Variants in ANKS1B observed in about 807,000 individuals in gnomAD.
ANKS1B encodes the protein ankyrin repeat and sterile alpha motif domain-containing protein 1B.
Under a neutral mutation model 148.3 loss-of-function variants are expected in ANKS1B, and 36 were observed. The observed-to-expected ratio is 0.24, with a 90% confidence interval of 0.19 to 0.32. The LOEUF (loss-of-function observed/expected upper bound fraction) is 0.32, where lower values mean the gene tolerates loss of function less well. ANKS1B is among the 10% of genes least tolerant of loss of function. ANKS1B has a pLI of 1.00. For missense variants in ANKS1B, 1,157 were observed against 1,542.6 expected (o/e 0.75, Z 4.19); for synonymous variants, 542 against 560.8 (o/e 0.97, Z 0.47).
At chr12:99,567,951 T>C (rs2097414113) in intron 9 of ANKS1B, among the ~76,000 whole-genome samples, 1 of 152,176 alleles carries the variant, frequency 6.6e-6, no homozygotes, top group South Asian at 2.1e-4. Context: ...AGCACCACCT[T>C]CCACTGTGAG....
chr12:99,026,108 A>C (rs972849704), intron 17 of ANKS1B, among the ~76,000 whole-genome samples: 1 of 152,216 alleles, frequency 6.6e-6, no homozygotes, highest in African/African-American at 2.4e-5. Context: ...GAAGGTATGT[A>C]TCTACGGATA....
intron 8 of ANKS1B, among the ~76,000 whole-genome samples, chr12:99,760,874 C>A: frequency 6.7e-6 from 1 of 150,146 alleles, no homozygotes; most frequent in South Asian, 2.1e-4. Flanking sequence ...AAAACCAATC[C>A]CACCGAAATA....
In ANKS1B at chr12:99,580,443, A is replaced by T. The variant is rs2097559517; in HGVS notation, c.1272+74624T>A. On this transcript the variant is annotated intron_variant, in intron 9 of 26. Transcript: ENST00000683438. ...TTAGGGATAAATATAATGACAGAAC[A>T]TTGCTCAAAGAAATTTGAAACTGGA... Among the ~76,000 whole-genome samples, 3 of 152,330 alleles carry T rather than the reference A, an allele frequency of 2.0e-5. No homozygotes were observed. In the South Asian group the frequency reaches 6.2e-4, roughly 32 times the overall value.
intron 14 of ANKS1B, among the ~76,000 whole-genome samples, chr12:99,213,731 C>T (rs2083700231): frequency 6.6e-6 from 1 of 152,190 alleles, no homozygotes; most frequent in South Asian, 2.1e-4. Flanking sequence ...TTCATCTTAA[C>T]ATTCTGTAAT....
At chr12:99,678,601 T>C (rs2153479295) in intron 8 of ANKS1B, among the ~76,000 whole-genome samples, 1 of 152,138 alleles carries the variant, frequency 6.6e-6, no homozygotes, top group South Asian at 2.1e-4. Flanking sequence ...CTAAGTACAA[T>C]CCATCCCTGG....
intron 24 of ANKS1B, among the ~76,000 whole-genome samples, chr12:98,774,887 G>A (rs953064161): frequency 3.9e-5 from 6 of 152,158 alleles, no homozygotes; most frequent in Admixed American, 1.3e-4. Context: ...AACTCAAATT[G>A]CAATTGGAAT....
At chr12:99,316,123 A>C (rs548938847) in intron 12 of ANKS1B, among the ~76,000 whole-genome samples, 1 of 152,338 alleles carries the variant, frequency 6.6e-6, no homozygotes, top group South Asian at 2.1e-4. Context: ...TAGTGCCACA[A>C]TAAACATACG....
chr12:98,953,746 T>A (rs936869031), intron 17 of ANKS1B, among the ~76,000 whole-genome samples: 1 of 152,110 alleles, frequency 6.6e-6, no homozygotes, highest in African/African-American at 2.4e-5. Flanking sequence ...TCCCACAAGC[T>A]GACTCCAGTT....
At chr12:99,758,567 T>G (rs2061785249) in intron 8 of ANKS1B, among the ~76,000 whole-genome samples, 1 of 151,734 alleles carries the variant, frequency 6.6e-6, no homozygotes. Context: ...ATCAGGGAAA[T>G]ATTTACCAGG....
At chr12:99,184,180 T>C (rs2079493048) in intron 14 of ANKS1B, among the ~76,000 whole-genome samples, 2 of 152,200 alleles carry the variant, frequency 1.3e-5, no homozygotes, top group Non-Finnish European at 2.9e-5. Context: ...AGTAACACAA[T>C]ATATCTTCCC....
rs575438962 is a variant in ANKS1B, at chr12:98,829,764, T to C, written c.2887-411A>G. The stretch of plus-strand genomic sequence containing the variant: ...AGACCCAATGGGTCTTGATCCTTCA[T>C]CAAAGAATGGTCTGACAACAGGGTT... On this transcript the variant is annotated intron_variant, in intron 18 of 26. Coordinates refer to ENST00000683438, the MANE Select transcript of ANKS1B (RefSeq NM_001352186.2). The surrounding 1 kb of genome is among the most constrained non-coding windows in gnomAD (Gnocchi z 5.2). Among the ~76,000 whole-genome samples the C allele has an allele frequency of 6.6e-6, 1 of 152,242 alleles. No homozygotes were observed. Among genetic ancestry groups the C allele is most frequent in the South Asian group, 2.1e-4 (1 of 4,822 alleles).
chr12:99,079,784 C>T (rs2049022418), intron 16 of ANKS1B: 1 of 152,026 alleles, frequency 6.6e-6, no homozygotes, highest in South Asian at 2.1e-4. Context: ...TGTTATAATT[C>T]TCTCTGCTTG....
rs546088069 is a variant in ANKS1B at position 99,477,676 on chromosome 12, C to T, written c.1438+26800G>A. Among the ~76,000 whole-genome samples the T allele has an allele frequency of 2.6e-5, 4 of 152,256 alleles. No homozygotes were observed. The South Asian group carries it at 8.3e-4, about 32-fold the overall frequency. Reference sequence around the variant, plus strand: ...CACATTAAAAATTCTCAATGATATCCATTGTTACTATCATAGATATTAAAA... The same window carrying T: ...CACATTAAAAATTCTCAATGATATCTATTGTTACTATCATAGATATTAAAA... On this transcript the variant is annotated intron_variant, in intron 10 of 26. Coordinates refer to ENST00000683438, the MANE Select transcript of ANKS1B (RefSeq NM_001352186.2).
At chr12:99,132,968 T>A (rs1283953754) in intron 15 of ANKS1B, among the ~76,000 whole-genome samples, 1 of 152,106 alleles carries the variant, frequency 6.6e-6, no homozygotes, top group East Asian at 1.9e-4. Flanking sequence ...GTCATATATT[T>A]GATTTTTGTA....
At chr12:98,914,708 G>A (rs2099791815) in intron 17 of ANKS1B, among the ~76,000 whole-genome samples, 1 of 151,844 alleles carries the variant, frequency 6.6e-6, no homozygotes, top group African/African-American at 2.4e-5. Flanking sequence ...TGTTCCTTCT[G>A]CCTGGAATAC....
chr12:99,309,370 T>C (rs897975754), intron 12 of ANKS1B, among the ~76,000 whole-genome samples: 1 of 152,038 alleles, frequency 6.6e-6, no homozygotes, highest in Admixed American at 6.6e-5. Context: ...TATGTTTTTT[T>C]CCCTTTAATC....
At chr12:99,075,707 T>G (rs988159349) in intron 16 of ANKS1B, among the ~76,000 whole-genome samples, 4 of 151,534 alleles carry the variant, frequency 2.6e-5, no homozygotes, top group African/African-American at 7.3e-5. Flanking sequence ...CTGAGTATAT[T>G]ATCAGCATCT....
chr12:99,318,707 T>C (rs2084653464), intron 12 of ANKS1B, among the ~76,000 whole-genome samples: 1 of 152,208 alleles, frequency 6.6e-6, no homozygotes, highest in Admixed American at 6.5e-5. Flanking sequence ...TCTTGCCTTC[T>C]GCTAGCTTTT....
intron 8 of ANKS1B, among the ~76,000 whole-genome samples, chr12:99,678,997 AAAAG>A (rs2098598403): frequency 6.6e-6 from 1 of 152,214 alleles, no homozygotes; most frequent in Non-Finnish European, 1.5e-5. Context: ...GTCTAGAACT[AAAAG>A]AAAGAACTCT....
Sources: allele counts gnomAD v4.1 joint callset (sites outside exome capture counted in the v4.1 genomes callset), GRCh38; gene constraint gnomAD v4.1.1; non-coding constraint Gnocchi (gnomAD v3.1); transcripts MANE v1.5; gene names NCBI Gene and HGNC (gene_info 2026-07-23, HGNC 2026-07-21).